PGAM5: variants seen among roughly 807,000 people sequenced by gnomAD.
PGAM5 encodes PGAM family member 5, mitochondrial serine/threonine protein phosphatase.
A neutral mutation model predicts 30.6 loss-of-function variants in PGAM5; 25 were observed. The observed-to-expected ratio is 0.82, with a 90% confidence interval of 0.60 to 1.14. PGAM5 has a LOEUF of 1.14. Among genes scored for constraint, PGAM5 ranks in the 50% most tolerant of loss-of-function variants. PGAM5 has a pLI of 0.00. For missense variants in PGAM5, 384 were observed against 408.5 expected, an observed-to-expected ratio of 0.94 and a Z score of 0.52; for synonymous variants, 201 against 179.1, an observed-to-expected ratio of 1.12 and a Z score of -0.98.
chr12:132,717,913 C>T (rs956940292), intron 4 of PGAM5, 74 bp from the exon 5 acceptor site: 68 of 1,600,550 alleles, frequency 4.2e-5, no homozygotes, highest in Middle Eastern at 1.7e-4. Context: ...CCCCGGGCGG[C>T]GATGGGGTCT....
intron 5 of PGAM5, among the ~76,000 whole-genome samples, chr12:132,720,089 C>T (rs370010253): frequency 9.6e-5 from 5 of 51,884 alleles, no homozygotes; most frequent in Admixed American, 2.4e-4. Context: ...AGTGTGATGG[C>T]TCCATTCATG....
intron 1 of PGAM5, among the ~76,000 whole-genome samples, chr12:132,712,012 A>G (rs1222843614): frequency 1.3e-5 from 2 of 152,144 alleles, no homozygotes; most frequent in East Asian, 1.9e-4. Context: ...TATACTCAGT[A>G]CTTTGAGAAA....
rs578188659 is a variant in PGAM5, at chr12:132,715,185, C to T, written c.370+149C>T. The T allele has an allele frequency of 2.4e-5, 17 of 717,968 alleles. No individual in the cohort carries two copies. In the East Asian group the frequency reaches 3.9e-4, roughly 16 times the overall value. The allele number at this position is 717,968 out of a possible 1,614,324, so 44.5% of individuals were successfully genotyped here. A position where few individuals can be genotyped will look rare whatever the true frequency, so the allele number is the denominator to read the frequency against. ...GAAAGTGCTTGGGGCACTGGGCCTCCTGGGGCCCATGTCCGAGACCATCAC... is the reference window on the plus strand; with the variant it reads ...GAAAGTGCTTGGGGCACTGGGCCTCTTGGGGCCCATGTCCGAGACCATCAC... On this transcript the variant is annotated intron_variant, in intron 2 of 5. Transcript: ENST00000498926.
intron 1 of PGAM5, among the ~76,000 whole-genome samples, chr12:132,713,960 C>T (rs2043548080): frequency 6.6e-6 from 1 of 152,074 alleles, no homozygotes; most frequent in African/African-American, 2.4e-5. Flanking sequence ...TTTCAGATTC[C>T]AGCAGCTCTG....
intron 5 of PGAM5, chr12:132,719,301 C>T: frequency 6.0e-6 from 6 of 1,005,338 alleles, no homozygotes; most frequent in Non-Finnish European, 7.2e-6. Flanking sequence ...AGGCTGGGCC[C>T]TGGTCTCTGC....
chr12:132,720,459 T>C (rs962654866), intron 5 of PGAM5, among the ~76,000 whole-genome samples: 11 of 152,048 alleles, frequency 7.2e-5, no homozygotes, highest in Non-Finnish European at 1.3e-4. Flanking sequence ...AGGTGCCTGC[T>C]ATCACGCCCA....
In PGAM5 at chr12:132,721,594, A is replaced by AT. The variant is rs1034458674; in HGVS notation, c.*772dup. On this transcript the variant is annotated 3_prime_UTR_variant, in exon 6 of 6. Transcript: ENST00000498926. ...GGGCAAGCGAGGGAGACTTAAAGCAATTTTTTCTTTTGAAACGGAGTTTCA... is the reference window on the plus strand; with the variant it reads ...GGGCAAGCGAGGGAGACTTAAAGCAATTTTTTTCTTTTGAAACGGAGTTTCA... 6 of 152,058 alleles carry AT rather than the reference A, an allele frequency of 3.9e-5. No individual in the cohort carries two copies. In the East Asian group the frequency reaches 9.7e-4, roughly 25 times the overall value. 9.4% of individuals were successfully genotyped at this position (152,058 alleles called of 1,614,324 possible). A position where few individuals can be genotyped will look rare whatever the true frequency, so the allele number is the denominator to read the frequency against.
At chr12:132,712,545 C>T (rs984794519) in intron 1 of PGAM5, among the ~76,000 whole-genome samples, 1 of 152,198 alleles carries the variant, frequency 6.6e-6, no homozygotes, top group African/African-American at 2.4e-5. Flanking sequence ...CAACCTCCGC[C>T]TCCCGGGTTC....
At chr12:132,713,701 C>T (rs577208568) in intron 1 of PGAM5, among the ~76,000 whole-genome samples, 12 of 152,276 alleles carry the variant, frequency 7.9e-5, no homozygotes, top group South Asian at 2.1e-4. Flanking sequence ...GACAGGGTCT[C>T]GCTCTGTTGC....
chr12:132,716,694 G>A (rs962421689), intron 2 of PGAM5, among the ~76,000 whole-genome samples: 1 of 152,212 alleles, frequency 6.6e-6, no homozygotes, highest in South Asian at 2.1e-4. Context: ...GCCTAGAGAA[G>A]GAAATGCAGG....
At position 132,717,698 on chromosome 12, in the gene PGAM5, G is replaced by T; in HGVS notation, c.497-12G>T. 1.9e-6 allele frequency: 3 copies of T among 1,568,402 alleles called. No individual in the cohort carries two copies. Among genetic ancestry groups the T allele is most frequent in the Non-Finnish European group, 2.6e-6 (3 of 1,156,296 alleles). On this transcript the variant is annotated splice_polypyrimidine_tract_variant and intron_variant, in intron 3 of 5. Transcript: ENST00000498926. ...GCCGCCTCACCCAGCGCTTCGCTGT[G>T]CTTCTCTGCAGGCGTCTGCAAAGTC...
chr12:132,720,866 A>T lies in PGAM5; in HGVS notation c.*38A>T. On this transcript the variant is annotated 3_prime_UTR_variant, in exon 6 of 6. Transcript: ENST00000498926. ...CTCCTTCCCTCTGTCCTCCCTGCAC[A>T]GGCCGCACACACTTAACGTTTTGTT... 6.5e-7 allele frequency: 1 copy of T among 1,526,776 alleles called. No individual in the cohort carries two copies. Among genetic ancestry groups the T allele is most frequent in the Non-Finnish European group, 8.8e-7 (1 of 1,140,904 alleles). The allele number at this position is 1,526,776 out of a possible 1,614,324, so 94.6% of individuals were successfully genotyped here.
Position 132,710,960 on chromosome 12 carries a change from A to C in PGAM5, c.84A>C (p.Val28=). The C allele has an allele frequency of 8.4e-7, 1 of 1,183,926 alleles. No homozygotes were observed. Among genetic ancestry groups the C allele is most frequent in the Non-Finnish European group, 1.0e-6 (1 of 957,930 alleles). 73.3% of individuals were successfully genotyped at this position (1,183,926 alleles called of 1,614,324 possible). The change falls in exon 1 of 6, where the codon GTA becomes GTC. Residue 28 remains valine, a synonymous_variant. Transcript: ENST00000498926. ...CCGTGCTCTTCTCGGCCGTGGCGGT[A>C]GGGAAGCCGCGCGCAGGCGGGGACG... ...SAAVLFSAVA[V]GKPRAGGDAE...
intron 1 of PGAM5, among the ~76,000 whole-genome samples, chr12:132,712,165 GATTA>G (rs2043529489): frequency 6.6e-6 from 1 of 152,132 alleles, no homozygotes; most frequent in Non-Finnish European, 1.5e-5. Context: ...AAATAATATA[GATTA>G]ATTATAGTTA....
At chr12:132,717,011 G>A (rs1429210684) in intron 2 of PGAM5, among the ~76,000 whole-genome samples, 3 of 152,350 alleles carry the variant, frequency 2.0e-5, no homozygotes, top group African/African-American at 4.8e-5. Context: ...TTTAGGTCCC[G>A]CTGTGTTGGC....
In PGAM5 at chr12:132,717,453, GAA is replaced by G; in HGVS notation, c.386_387del (p.Glu129AlafsTer14). 6.2e-7 allele frequency: 1 copy of G among 1,608,186 alleles called. No homozygotes were observed. Among genetic ancestry groups the G allele is most frequent in the Non-Finnish European group, 8.5e-7 (1 of 1,179,872 alleles). Reference protein sequence around the residue: ...TLTPLGREQAELTGLRLASLG... With the variant: ...TLTPLGREQAXLTGLRLASLG... ...TCACCTTCCAGGTCGGGAGCAGGCT[GAA>G]CTCACTGGGCTCCGCCTGGCAAGCT... is the stretch of plus-strand genomic sequence containing the variant. On this transcript the variant is annotated frameshift_variant, in exon 3 of 6. Transcript: ENST00000498926. LOFTEE classifies it high-confidence loss of function.
intron 5 of PGAM5, among the ~76,000 whole-genome samples, chr12:132,720,105 C>CCCAGTCATCGATTCACGTCGATT (rs2043627861): frequency 6.6e-6 from 1 of 152,174 alleles, no homozygotes; most frequent in Non-Finnish European, 1.5e-5. Context: ...TCATGTCGAT[C>CCCAGTCATCGATTCACGTCGATT]CCAGTCATCG....
rs1320856388 is a variant in PGAM5 at position 132,712,264 on chromosome 12, AG to A, written c.191+1200del. Among the ~76,000 whole-genome samples the A allele has an allele frequency of 1.2e-4, 18 of 152,244 alleles. No individual in the cohort carries two copies. The East Asian group carries it at 3.5e-3, about 29-fold the overall frequency. On this transcript the variant is annotated intron_variant, in intron 1 of 5. Coordinates refer to ENST00000498926, the MANE Select transcript of PGAM5 (RefSeq NM_001170543.2). ...CAGCTTTTACCTGCTGTTCTGTTCT[AG>A]GGTCCCACATGACAAGTAGTCTTCA...
At position 132,710,935 on chromosome 12, in the gene PGAM5, C is replaced by T. The variant is rs2043515410; in HGVS notation, c.59C>T (p.Ala20Val). 1 of 1,168,340 alleles carries T rather than the reference C, an allele frequency of 8.6e-7. No homozygotes were observed. Among genetic ancestry groups the T allele is most frequent in the Non-Finnish European group, 1.1e-6 (1 of 948,344 alleles). 72.4% of individuals were successfully genotyped at this position (1,168,340 alleles called of 1,614,324 possible). ...TGCGGGCTGGCCGGGGGCTCGGCCGCCGTGCTCTTCTCGGCCGTGGCGGTA... is the reference window on the plus strand; with the variant it reads ...TGCGGGCTGGCCGGGGGCTCGGCCGTCGTGCTCTTCTCGGCCGTGGCGGTA... ...AACGLAGGSA[A>V]VLFSAVAVGK... The change falls in exon 1 of 6, where the codon GCC becomes GTC. Residue 20 changes from alanine to valine, a missense_variant. Coordinates refer to ENST00000498926, the MANE Select transcript of PGAM5 (RefSeq NM_001170543.2).
Sources: gnomAD v4.1 joint callset for allele counts (sites outside exome capture counted in the v4.1 genomes callset) on GRCh38, gnomAD v4.1.1 for gene constraint, MANE v1.5 for transcripts, NCBI Gene and HGNC (gene_info 2026-07-23, HGNC 2026-07-21) for gene names.